Variants in LEKR1 observed in about 807,000 individuals in gnomAD.
LEKR1 encodes protein LEKR1.
Under a neutral mutation model 72.4 loss-of-function variants are expected in LEKR1, and 59 were observed. The observed-to-expected ratio is 0.82, with a 90% CI of 0.66 to 1.01. The LOEUF (loss-of-function observed/expected upper bound fraction) is 1.01. Ranked by LOEUF, LEKR1 falls within the 50% of genes least tolerant of loss-of-function variation. The pLI is 0.00. For synonymous variants in LEKR1, 257 were observed against 263.2 expected, an observed-to-expected ratio of 0.98 and a Z score of 0.23; for missense variants, 728 against 759.2, an observed-to-expected ratio of 0.96 and a Z score of 0.48.
intron 3 of LEKR1, among the ~76,000 whole-genome samples, chr3:156,901,814 A>G (rs1168024516): frequency 1.3e-5 from 2 of 151,928 alleles, no homozygotes; most frequent in Admixed American, 6.6e-5. Flanking sequence ...AGCCTCCCAA[A>G]TAGCTGGGAC....
rs6808659 is a variant in LEKR1 at position 156,967,958 on chromosome 3, C to G, written c.746-11236C>G. ...GAAACTCTACAAGCCAGAAGAGAGGCGGGGCCAATATTCAACATTCTTAAA... is the reference window on the plus strand; with the variant it reads ...GAAACTCTACAAGCCAGAAGAGAGGGGGGGCCAATATTCAACATTCTTAAA... On this transcript the variant is annotated intron_variant, in intron 6 of 12. Coordinates refer to ENST00000356539, the MANE Select transcript of LEKR1 (RefSeq NM_001004316.3). Among the ~76,000 whole-genome samples, 8 of 152,122 alleles carry G rather than the reference C, an allele frequency of 5.3e-5. No individual in the cohort carries two copies. In the East Asian group the frequency reaches 1.3e-3, roughly 26 times the overall value.
intron 9 of LEKR1, among the ~76,000 whole-genome samples, chr3:156,998,971 A>T (rs566715641): frequency 6.6e-6 from 1 of 152,136 alleles, no homozygotes; most frequent in African/African-American, 2.4e-5. Flanking sequence ...TGGTGATTGA[A>T]TCATGGGGGC....
chr3:156,896,622 G>C (rs1721211110), intron 3 of LEKR1, among the ~76,000 whole-genome samples: 1 of 152,150 alleles, frequency 6.6e-6, no homozygotes, highest in African/African-American at 2.4e-5. Context: ...AATTAGTTCA[G>C]CCACTGTGGA....
intron 5 of LEKR1, among the ~76,000 whole-genome samples, chr3:156,940,152 A>G (rs188462817): frequency 1.1e-4 from 17 of 152,268 alleles, no homozygotes; most frequent in Admixed American, 9.8e-4. Context: ...TTAGGCATTT[A>G]TTGAGCTCTT....
chr3:156,985,330 A>C (rs1730581413), intron 7 of LEKR1, among the ~76,000 whole-genome samples: 1 of 152,202 alleles, frequency 6.6e-6, no homozygotes, highest in Non-Finnish European at 1.5e-5. Flanking sequence ...AAGTTAAGAT[A>C]TGAATAACAG....
At chr3:157,025,861 T>TA (rs35449146) in intron 11 of LEKR1, among the ~76,000 whole-genome samples, 103,178 of 146,946 alleles carry the variant, frequency 0.7, 36,378 homozygotes, top group South Asian at 0.87. Context: ...CTGTCTCTAT[T>TA]AAAAAAAAAA....
chr3:156,909,901 A>G (rs1271312461), intron 3 of LEKR1, among the ~76,000 whole-genome samples: 1 of 146,696 alleles, frequency 6.8e-6, no homozygotes, highest in East Asian at 1.9e-4. Flanking sequence ...TTTTAACACT[A>G]ACATATATAT....
chr3:156,839,032 A>AG (rs1560014932), intron 2 of LEKR1, among the ~76,000 whole-genome samples: 1 of 152,198 alleles, frequency 6.6e-6, no homozygotes, highest in African/African-American at 2.4e-5. Flanking sequence ...GGAAAAAAAA[A>AG]GGACACAAAA....
chr3:156,881,687 C>T (rs1441669040), intron 3 of LEKR1, among the ~76,000 whole-genome samples: 3,361 of 144,552 alleles, frequency 0.023, 33 homozygotes, highest in South Asian at 0.046. Context: ...GAGCCCGCAT[C>T]GCCAAGTCAA....
At chr3:156,839,573 G>C (rs114019414) in intron 2 of LEKR1, among the ~76,000 whole-genome samples, 1 of 152,178 alleles carries the variant, frequency 6.6e-6, no homozygotes, top group Non-Finnish European at 1.5e-5. Flanking sequence ...AGGGTTTCAA[G>C]ATACTAATCT....
At chr3:157,024,414 T>C (rs1341304959) in intron 10 of LEKR1, among the ~76,000 whole-genome samples, 1 of 152,154 alleles carries the variant, frequency 6.6e-6, no homozygotes, top group African/African-American at 2.4e-5. Context: ...GCCCTCAAAA[T>C]CTGCTTAAAA....
intron 10 of LEKR1, among the ~76,000 whole-genome samples, chr3:157,021,903 GATT>G (rs1733864269): frequency 1.3e-5 from 2 of 152,006 alleles, no homozygotes; most frequent in East Asian, 1.9e-4. Flanking sequence ...GAATGTTATT[GATT>G]ATTAACTTTT....
intron 9 of LEKR1, among the ~76,000 whole-genome samples, chr3:157,001,714 C>T (rs1732029832): frequency 6.6e-6 from 1 of 152,210 alleles, no homozygotes; most frequent in South Asian, 2.1e-4. Flanking sequence ...GACAGCATGA[C>T]ATACTGCTGG....
intron 3 of LEKR1, chr3:156,888,232 C>T: frequency 1.5e-6 from 1 of 680,966 alleles, no homozygotes; most frequent in Non-Finnish European, 2.7e-6. Context: ...AGTTGGTCAA[C>T]ACTTTTATTT....
chr3:156,835,457 A>G (rs344077), intron 2 of LEKR1, among the ~76,000 whole-genome samples: 23,935 of 152,224 alleles, frequency 0.16, 2,150 homozygotes, highest in South Asian at 0.25. Flanking sequence ...CTCCGTTTTT[A>G]CGCCTAATCC....
chr3:157,034,812 T>A (rs943441554), intron 12 of LEKR1, among the ~76,000 whole-genome samples: 15 of 152,148 alleles, frequency 9.9e-5, no homozygotes, highest in African/African-American at 2.4e-4. Context: ...TCTTTTTTTT[T>A]AATTTTTATT....
intron 3 of LEKR1, among the ~76,000 whole-genome samples, chr3:156,881,612 G>T (rs1358973194): frequency 6.9e-6 from 1 of 144,366 alleles, no homozygotes; most frequent in Non-Finnish European, 1.5e-5. Context: ...TCCCCATCAA[G>T]CTACCAATGA....
intron 10 of LEKR1, among the ~76,000 whole-genome samples, chr3:157,018,544 T>C (rs1415502711): frequency 2.0e-5 from 3 of 152,174 alleles, no homozygotes; most frequent in Non-Finnish European, 4.4e-5. Context: ...CTTAAATATT[T>C]TGAAACTAAA....
At chr3:156,985,842 CAAAAAA>C (rs34169262) in intron 7 of LEKR1, among the ~76,000 whole-genome samples, 6 of 119,540 alleles carry the variant, frequency 5.0e-5, no homozygotes, top group Admixed American at 1.7e-4. Flanking sequence ...GACTCTGTGT[CAAAAAA>C]AAAAAAAAAA....
Sources: gnomAD v4.1 joint callset for allele counts (sites outside exome capture counted in the v4.1 genomes callset) on GRCh38, gnomAD v4.1.1 for gene constraint, MANE v1.5 for transcripts, NCBI Gene and HGNC (gene_info 2026-07-23, HGNC 2026-07-21) for gene names.